The following VPS8 variants were observed in gnomAD, a reference collection of about 807,000 sequenced individuals.
The protein encoded by VPS8 is vacuolar protein sorting-associated protein 8 homolog.
VPS8 carries 129 observed loss-of-function variants against 216.4 expected under a neutral mutation model. The ratio of observed to expected loss-of-function variants is 0.60; its 90% CI spans 0.52 to 0.69. VPS8 has a LOEUF of 0.69. Ranked by LOEUF, VPS8 falls within the 30% of genes least tolerant of loss-of-function variation. VPS8 has a pLI of 0.00. For missense variants in VPS8, 1,531 were observed against 1,683.5 expected (o/e 0.91, Z 1.59); for synonymous variants, 571 against 565.4 (o/e 1.01, Z -0.14).
intron 26 of VPS8, among the ~76,000 whole-genome samples, chr3:184,914,392 A>G (rs1228725846): frequency 6.6e-6 from 1 of 152,234 alleles, no homozygotes; most frequent in Non-Finnish European, 1.5e-5. Context: ...AAAGGTAGAC[A>G]TGTTCAGATG....
At chr3:184,885,001 A>C (rs552769853) in intron 21 of VPS8, among the ~76,000 whole-genome samples, 41 of 152,204 alleles carry the variant, frequency 2.7e-4, no homozygotes, top group Non-Finnish European at 5.6e-4. Flanking sequence ...TAGCTCTAAC[A>C]CTTTTCAAAT....
intron 9 of VPS8, 104 bp downstream of exon 9, chr3:184,849,299 A>T: frequency 7.4e-7 from 1 of 1,342,766 alleles, no homozygotes. Context: ...TTATGAAGTA[A>T]TATGTTTGTA....
chr3:184,848,876 T>TC (rs1289809718), intron 8 of VPS8, among the ~76,000 whole-genome samples, 195 bp from the exon 9 acceptor site: 2 of 152,132 alleles, frequency 1.3e-5, no homozygotes, highest in African/African-American at 2.4e-5. Flanking sequence ...GCCTTTTTTT[T>TC]CTGTATTTTT....
At chr3:184,869,813 T>C (rs1728023924) in intron 20 of VPS8, among the ~76,000 whole-genome samples, 3 of 152,062 alleles carry the variant, frequency 2.0e-5, no homozygotes, top group Admixed American at 2.0e-4. Context: ...CACTTGAGCC[T>C]AGGAGTTTGA....
At chr3:184,983,305 T>C (rs1016628915) in intron 42 of VPS8, among the ~76,000 whole-genome samples, 4 of 152,204 alleles carry the variant, frequency 2.6e-5, no homozygotes, top group African/African-American at 9.6e-5. Flanking sequence ...TGACATAAGC[T>C]TGTGACCTTC....
At chr3:184,996,663 G>A (rs1207659300) in intron 44 of VPS8, among the ~76,000 whole-genome samples, 162 bp downstream of exon 44, 3 of 152,134 alleles carry the variant, frequency 2.0e-5, no homozygotes, top group Non-Finnish European at 4.4e-5. Flanking sequence ...TGGAGGTTAG[G>A]GTGCCCAGGA....
chr3:184,966,053 A>T (rs1178584479), intron 38 of VPS8, among the ~76,000 whole-genome samples: 1 of 152,158 alleles, frequency 6.6e-6, no homozygotes, highest in Non-Finnish European at 1.5e-5. Flanking sequence ...AAGGAAAAGA[A>T]GTTTATTTGG....
At chr3:185,018,410 C>G (rs1426374972) in intron 45 of VPS8, among the ~76,000 whole-genome samples, 1 of 152,200 alleles carries the variant, frequency 6.6e-6, no homozygotes, top group Non-Finnish European at 1.5e-5. Flanking sequence ...CTAAGCTGCT[C>G]TGTGGCATCA....
chr3:184,948,146 C>A (rs535944671), intron 36 of VPS8, among the ~76,000 whole-genome samples: 3 of 151,992 alleles, frequency 2.0e-5, no homozygotes, highest in South Asian at 2.1e-4. Flanking sequence ...ATTATAAAAA[C>A]CAGTTTTAGC....
intron 42 of VPS8, among the ~76,000 whole-genome samples, chr3:184,987,533 A>G (rs914773235): frequency 4.6e-5 from 7 of 152,110 alleles, no homozygotes; most frequent in Non-Finnish European, 7.3e-5. Context: ...ATGCACTTAA[A>G]GTTCTTCCAT....
chr3:184,837,914 A>G (rs1486156587), intron 5 of VPS8, among the ~76,000 whole-genome samples: 1 of 152,208 alleles, frequency 6.6e-6, no homozygotes, highest in Non-Finnish European at 1.5e-5. Context: ...TGCCTGTTCT[A>G]TACATCTCTC....
intron 24 of VPS8, among the ~76,000 whole-genome samples, chr3:184,899,765 C>T (rs1734144270): frequency 6.6e-6 from 1 of 152,202 alleles, no homozygotes; most frequent in Non-Finnish European, 1.5e-5. Flanking sequence ...AAAATAATCC[C>T]TCAAAACAGA....
At chr3:184,940,124 A>T in intron 35 of VPS8, 73 bp from the exon 36 acceptor site, 1 of 815,038 alleles carries the variant, frequency 1.2e-6, no homozygotes, top group Non-Finnish European at 1.9e-6. Context: ...AGGTTAAAGT[A>T]GTTCTTTACC....
intron 25 of VPS8, among the ~76,000 whole-genome samples, chr3:184,905,432 G>A (rs969016002): frequency 2.0e-5 from 3 of 152,126 alleles, no homozygotes; most frequent in Non-Finnish European, 2.9e-5. Flanking sequence ...TGTAAGGTCA[G>A]TAGTGATGTC....
chr3:184,984,804 T>G (rs1236179596), intron 42 of VPS8, among the ~76,000 whole-genome samples: 1 of 152,226 alleles, frequency 6.6e-6, no homozygotes, highest in Non-Finnish European at 1.5e-5. Context: ...GGGTTCTCTC[T>G]GTGCTATACA....
chr3:184,849,364 A>T, intron 9 of VPS8, 169 bp downstream of exon 9: 1 of 723,032 alleles, frequency 1.4e-6, no homozygotes, highest in South Asian at 2.1e-5. Context: ...ATTTTACATA[A>T]TTGTTATCGA....
chr3:184,833,718 T>A (rs1177557811), intron 4 of VPS8, among the ~76,000 whole-genome samples: 1 of 152,208 alleles, frequency 6.6e-6, no homozygotes, highest in Middle Eastern at 3.2e-3. Context: ...CCAGACACAC[T>A]GTACACCTTT....
At chr3:184,917,839 T>A (rs1173461905) in intron 28 of VPS8, among the ~76,000 whole-genome samples, 1 of 152,228 alleles carries the variant, frequency 6.6e-6, no homozygotes, top group African/African-American at 2.4e-5. Context: ...TATAACAAAA[T>A]GCATAGATTG....
intron 37 of VPS8, among the ~76,000 whole-genome samples, chr3:184,959,199 C>T (rs1424053413): frequency 2.6e-5 from 4 of 152,106 alleles, no homozygotes; most frequent in Admixed American, 6.6e-5. Flanking sequence ...ACCCTGTAAG[C>T]ACACCATCTT....
Sources: gnomAD v4.1 joint callset for allele counts (sites outside exome capture counted in the v4.1 genomes callset) on GRCh38, gnomAD v4.1.1 for gene constraint, MANE v1.5 for transcripts, NCBI Gene and HGNC (gene_info 2026-07-23, HGNC 2026-07-21) for gene names.